The following LPIN1 variants were observed in gnomAD, a reference collection of about 807,000 sequenced individuals.
LPIN1 encodes lipin 1.
A neutral mutation model predicts 107.5 loss-of-function variants in LPIN1; 71 were observed. The ratio of observed to expected loss-of-function variants is 0.66; its 90% CI spans 0.55 to 0.80. The LOEUF is 0.80. Ranked by LOEUF, LPIN1 falls within the 30% of genes least tolerant of loss-of-function variation. The pLI, the probability that LPIN1 is intolerant of heterozygous loss-of-function variation, is 0.00. For synonymous variants in LPIN1, 445 were observed against 452.6 expected, an observed-to-expected ratio of 0.98 and a Z score of 0.21; for missense variants, 1,043 against 1,160.6, an observed-to-expected ratio of 0.90 and a Z score of 1.47.
intron 1 of LPIN1, chr2:11,764,091 T>G (rs1271149768): frequency 8.4e-6 from 1 of 119,660 alleles, no homozygotes. Context: ...TATATATATA[T>G]ATATATATAT....
Position 11,786,457 on chromosome 2 carries a change from G to A in LPIN1, c.1550-617G>A, listed in dbSNP as rs1361099258. On this transcript the variant is annotated intron_variant, in intron 10 of 20. Transcript: ENST00000674199. This position sits in a 1 kb window ranked among gnomAD's most constrained non-coding sequence, Gnocchi z 4.1. ...AAAGAACTGAGGGTCCGGGGCTGAG[G>A]TCTGGGCCTCCTGACCCTGCCACCT... is the stretch of plus-strand genomic sequence containing the variant. 1.3e-5 allele frequency among the ~76,000 whole-genome samples: 2 copies of A among 152,128 alleles called. No homozygotes were observed. Among genetic ancestry groups the A allele is most frequent in the Non-Finnish European group, 2.9e-5 (2 of 68,014 alleles).
intron 1 of LPIN1, among the ~76,000 whole-genome samples, chr2:11,708,981 C>T (rs878939902): frequency 6.6e-6 from 1 of 152,038 alleles, no homozygotes; most frequent in East Asian, 1.9e-4. Context: ...AATGGAGGCT[C>T]AGGAATATTA....
intron 13 of LPIN1, among the ~76,000 whole-genome samples, chr2:11,793,131 T>G (rs151079242): frequency 1.2e-4 from 18 of 152,346 alleles, no homozygotes; most frequent in African/African-American, 4.3e-4. Flanking sequence ...GCTTCCAGAA[T>G]TGAACTCATG....
upstream of LPIN1, chr2:11,724,118 C>T (rs1194557898): frequency 1.3e-5 from 2 of 153,044 alleles, no homozygotes; most frequent in Admixed American, 6.5e-5. Flanking sequence ...GAACCTGCCC[C>T]TGCTGTAATC....
chr2:11,728,142 G>T (rs1664844121), intron 1 of LPIN1, among the ~76,000 whole-genome samples: 1 of 152,040 alleles, frequency 6.6e-6, no homozygotes, highest in Admixed American at 6.6e-5. Context: ...ATCCCATTTG[G>T]TTTTTAACAT....
rs548191923 is a variant in LPIN1, at chr2:11,707,475, G to A, written c.82-6281G>A. ...GGCCCTGGAATTTACTGAGCAGACC[G>A]GGGAGCACGGGAAGTTTTGAGCTGA... is the stretch of plus-strand genomic sequence containing the variant. On this transcript the variant is annotated intron_variant, in intron 1 of 21. Transcript: ENST00000449576. The surrounding 1 kb of genome is among the most constrained non-coding windows in gnomAD (Gnocchi z 4.2). Among the ~76,000 whole-genome samples, 5 of 152,324 alleles carry A rather than the reference G, an allele frequency of 3.3e-5. No individual in the cohort carries two copies. Among genetic ancestry groups the A allele is most frequent in the South Asian group, 2.1e-4 (1 of 4,816 alleles).
intron 7 of LPIN1, among the ~76,000 whole-genome samples, chr2:11,780,622 G>C (rs1673429746): frequency 6.6e-6 from 1 of 152,220 alleles, no homozygotes; most frequent in Non-Finnish European, 1.5e-5. Flanking sequence ...GGGTAGCGGA[G>C]AGAATGAGGG....
At chr2:11,752,073 T>G (rs1412793192) in intron 1 of LPIN1, among the ~76,000 whole-genome samples, 2 of 152,252 alleles carry the variant, frequency 1.3e-5, no homozygotes, top group African/African-American at 4.8e-5. Context: ...TGATTTTCCC[T>G]ATTACAATTA....
At chr2:11,762,363 G>A (rs748660100) in intron 1 of LPIN1, among the ~76,000 whole-genome samples, 2 of 143,270 alleles carry the variant, frequency 1.4e-5, no homozygotes, top group South Asian at 2.4e-4. Context: ...TTACAAAGGC[G>A]AGATTGATTA....
intron 1 of LPIN1, among the ~76,000 whole-genome samples, chr2:11,752,640 C>T (rs1668027412): frequency 6.6e-6 from 1 of 151,208 alleles, no homozygotes; most frequent in Non-Finnish European, 1.5e-5. Flanking sequence ...ACCGTTTTAG[C>T]CGGGATGGTC....
At chr2:11,725,227 C>G (rs961923985) in intron 1 of LPIN1, among the ~76,000 whole-genome samples, 7 of 152,240 alleles carry the variant, frequency 4.6e-5, no homozygotes, top group Admixed American at 1.3e-4. Context: ...TGCCACTGCA[C>G]TCCAGCCTGG....
At chr2:11,762,611 A>G (rs1670026636) in intron 1 of LPIN1, among the ~76,000 whole-genome samples, 1 of 152,184 alleles carries the variant, frequency 6.6e-6, no homozygotes, top group South Asian at 2.1e-4. Context: ...ATTGCTCTGG[A>G]GCTAAGGAGC....
chr2:11,807,837 C>G (rs1558282009), intron 17 of LPIN1, among the ~76,000 whole-genome samples: 1 of 152,130 alleles, frequency 6.6e-6, no homozygotes, highest in Admixed American at 6.5e-5. Context: ...TTCAGGGCTC[C>G]CTGCTCAGCA....
Position 11,804,439 on chromosome 2 carries a change from A to C in LPIN1, c.2030A>C (p.Lys677Thr). 6.2e-7 allele frequency: 1 copy of C among 1,614,246 alleles called. No individual in the cohort carries two copies. Among genetic ancestry groups the C allele is most frequent in the Non-Finnish European group, 8.5e-7 (1 of 1,180,046 alleles). The change falls in exon 16 of 21, where the codon AAG (lysine) becomes ACG (threonine). Residue 677 changes from lysine (K) to threonine (T), a missense_variant. Physicochemically the swap from Lys to Thr is moderately conservative, Grantham distance 78. Coordinates refer to ENST00000674199, the MANE Select transcript of LPIN1 (RefSeq NM_001349206.2). ...TSEQLKSLKLKNGPNDVVFSV... is the reference protein window; with the variant it reads ...TSEQLKSLKLTNGPNDVVFSV... ...GTTTTTCAGAAAAGCTTGAAGTTGA[A>C]GAATGGCCCCAACGACGTGGTTTTC... is the stretch of plus-strand genomic sequence containing the variant.
chr2:11,752,695 T>G (rs905092424), intron 1 of LPIN1, among the ~76,000 whole-genome samples: 1 of 151,800 alleles, frequency 6.6e-6, no homozygotes, highest in South Asian at 2.1e-4. Context: ...CCTCCCAAAG[T>G]GCTGGGATTA....
rs1231292929 is a variant in LPIN1 at position 11,784,924 on chromosome 2, A to AGT, written c.1397_1398insGT (p.Asn466LysfsTer30). On this transcript the variant is annotated frameshift_variant, in exon 10 of 21. Transcript: ENST00000674199. LOFTEE classifies it high-confidence loss of function. ...GGACTCGCAAAACATGCAAGCGACA[A>AGT]CGGAGCCCGGTCAGCCAACCAGTCC... is the stretch of plus-strand genomic sequence containing the variant. 6.2e-7 allele frequency: 1 copy of AGT among 1,613,944 alleles called. No individual in the cohort carries two copies. The highest frequency in any genetic ancestry group is 1.7e-5 in the Admixed American group (1 of 60,016).
chr2:11,784,836 C>T (rs763143481), intron 9 of LPIN1, 50 bp from the exon 10 acceptor site: 80 of 1,589,190 alleles, frequency 5.0e-5, no homozygotes, highest in Non-Finnish European at 6.6e-5. Flanking sequence ...ATGTAGGACC[C>T]TGAACTGGGA....
In LPIN1 at chr2:11,765,717, G is replaced by A. The variant is rs140179571; in HGVS notation, c.176G>A (p.Arg59His). 2.8e-4 allele frequency: 447 copies of A among 1,610,880 alleles called. No homozygotes were observed. The highest frequency in any genetic ancestry group is 3.4e-4 in the Non-Finnish European group (399 of 1,177,538). ...CGCTTTGGGAAGATGGGGGTCCTGC[G>A]CTCCCGAGAGAAAGTGGTGAGCTCT... Reference protein sequence around the residue: ...HVRFGKMGVLRSREKVVDIEI... With the variant: ...HVRFGKMGVLHSREKVVDIEI... The change falls in exon 2 of 21, where the codon CGC becomes CAC. Residue 59 changes from arginine to histidine, a missense_variant. Arg to His is a conservative substitution (Grantham distance 29). Coordinates refer to ENST00000674199, the MANE Select transcript of LPIN1 (RefSeq NM_001349206.2). This position sits in a 1 kb window ranked among gnomAD's most constrained non-coding sequence, Gnocchi z 4.4.
At chr2:11,712,617 T>G (rs562680112) in intron 1 of LPIN1, among the ~76,000 whole-genome samples, 105 of 151,740 alleles carry the variant, frequency 6.9e-4, no homozygotes, top group Non-Finnish European at 1.3e-3. Context: ...AACAAATATG[T>G]GCTGGAAAAG....
Sources: allele counts gnomAD v4.1 joint callset (sites outside exome capture counted in the v4.1 genomes callset), GRCh38; gene constraint gnomAD v4.1.1; non-coding constraint Gnocchi (gnomAD v3.1); transcripts MANE v1.5; gene names NCBI Gene and HGNC (gene_info 2026-07-23, HGNC 2026-07-21).